CDON: variants seen among roughly 807,000 people sequenced by gnomAD.
The protein encoded by CDON is cell adhesion associated, oncogene regulated, also known as cell adhesion molecule-related/down-regulated by oncogenes.
CDON carries 73 observed loss-of-function variants against 120.9 expected under a neutral mutation model. The ratio of observed to expected loss-of-function variants is 0.60; its 90% CI spans 0.50 to 0.73. The LOEUF is 0.73. Among genes scored for constraint, CDON ranks in the 30% least tolerant of loss-of-function variants. The pLI, the probability that CDON is intolerant of heterozygous loss-of-function variation, is 0.00. For missense variants in CDON, 1,470 were observed against 1,587.3 expected (o/e 0.93, Z 1.26); for synonymous variants, 566 against 573.5 (o/e 0.99, Z 0.19).
At chr11:126,060,051 G>T (rs1044058990) in intron 1 of CDON, among the ~76,000 whole-genome samples, 9 of 151,834 alleles carry the variant, frequency 5.9e-5, no homozygotes, top group African/African-American at 9.7e-5. Context: ...ATCAAGTAAA[G>T]CCCTCCCCTG....
chr11:126,025,773 G>C (rs1214990337), intron 1 of CDON, among the ~76,000 whole-genome samples: 1 of 151,912 alleles, frequency 6.6e-6, no homozygotes, highest in Non-Finnish European at 1.5e-5. Flanking sequence ...CTAGGAGGTG[G>C]GAATTGAGCA....
chr11:125,999,307 T>C (rs1309026959), intron 11 of CDON, among the ~76,000 whole-genome samples: 1 of 152,076 alleles, frequency 6.6e-6, no homozygotes, highest in Non-Finnish European at 1.5e-5. Context: ...GCACGGAAAA[T>C]AATACCTTCC....
At chr11:125,992,162 A>G (rs1390969515) in intron 14 of CDON, among the ~76,000 whole-genome samples, 4 of 152,128 alleles carry the variant, frequency 2.6e-5, no homozygotes, top group African/African-American at 9.7e-5. Flanking sequence ...TTAAAATAAA[A>G]TTCTGACGTC....
intron 14 of CDON, among the ~76,000 whole-genome samples, chr11:125,991,127 T>G (rs1301788596): frequency 6.6e-6 from 1 of 152,226 alleles, no homozygotes; most frequent in Non-Finnish European, 1.5e-5. Flanking sequence ...AAAATGGCAT[T>G]AAACTAGGCT....
intron 1 of CDON, among the ~76,000 whole-genome samples, chr11:126,053,883 T>G (rs1009109525): frequency 6.6e-6 from 1 of 151,896 alleles, no homozygotes; most frequent in Non-Finnish European, 1.5e-5. Flanking sequence ...ATTCACTGTG[T>G]TGTTGTTTTG....
intron 1 of CDON, among the ~76,000 whole-genome samples, chr11:126,058,841 T>C (rs1257144223): frequency 6.6e-6 from 1 of 152,236 alleles, no homozygotes; most frequent in African/African-American, 2.4e-5. Context: ...GACACACTAA[T>C]GTTTCTCAAA....
chr11:125,983,398 G>C (rs1258517445), intron 16 of CDON, among the ~76,000 whole-genome samples: 2 of 152,170 alleles, frequency 1.3e-5, no homozygotes, highest in Non-Finnish European at 2.9e-5. Context: ...GAGTCCATCA[G>C]GTACAGAAAC....
intron 1 of CDON, among the ~76,000 whole-genome samples, chr11:126,051,133 T>C: frequency 6.6e-6 from 1 of 152,168 alleles, no homozygotes; most frequent in Non-Finnish European, 1.5e-5. Context: ...GCCTGTAGCA[T>C]TTGAGATGTG....
intron 18 of CDON, among the ~76,000 whole-genome samples, chr11:125,964,032 G>C (rs1945722717): frequency 6.6e-6 from 1 of 152,154 alleles, no homozygotes; most frequent in African/African-American, 2.4e-5. Context: ...TGCTGGCGAA[G>C]GTGAGCACTA....
rs1946950063 is a variant in CDON at position 126,001,737 on chromosome 11, A to C, written c.2140T>G (p.Ser714Ala). 1.2e-6 allele frequency: 2 copies of C among 1,613,628 alleles called. No homozygotes were observed. Among genetic ancestry groups the C allele is most frequent in the Non-Finnish European group, 1.7e-6 (2 of 1,179,552 alleles). Residue 714 changes from serine to alanine, a missense_variant, in exon 11 of 20, where the codon TCC (serine) becomes GCC (alanine). Transcript: ENST00000531738. ...NNNFGVVLTD[S>A]SRHSGVPEAP... ...TTTTTACCTCCACTGTGCCTAGAGG[A>C]ATCTGTAAGTACCACTCCAAAATTG...
intron 1 of CDON, among the ~76,000 whole-genome samples, chr11:126,047,279 A>T (rs184014045): frequency 1.3e-5 from 2 of 152,314 alleles, no homozygotes; most frequent in African/African-American, 4.8e-5. Context: ...TTAAAGCAAG[A>T]AAATCAAGAT....
chr11:126,003,968 A>G lies in CDON; in HGVS notation c.1960T>C (p.Leu654=). ...CCTGCTGCGCTTCTTGCTACCATCA[A>G]GACTTCATAAAGACTAGATGGCTCC... ...ELEPSSLYEV[L]MVARSAAGEG... Residue 654 remains leucine, a synonymous_variant, in exon 10 of 20, where the codon TTG becomes CTG. Transcript: ENST00000531738. 6.2e-7 allele frequency: 1 copy of G among 1,614,152 alleles called. No individual in the cohort carries two copies. Among genetic ancestry groups the G allele is most frequent in the African/African-American group, 1.3e-5 (1 of 75,030 alleles).
rs139323558 is a variant in CDON, at chr11:126,001,806, C to T, written c.2071G>A (p.Val691Met). 299 of 1,610,818 alleles carry T rather than the reference C, an allele frequency of 1.9e-4. No individual in the cohort carries two copies. Among genetic ancestry groups the T allele is most frequent in the Non-Finnish European group, 2.4e-4 (279 of 1,177,164 alleles). Residue 691 changes from valine (V) to methionine (M), a missense_variant, in exon 11 of 20, where the codon GTG (valine) becomes ATG (methionine). By Grantham distance (21) the Val-to-Met change is conservative (BLOSUM62 1). Transcript: ENST00000531738. The part of the protein sequence containing the change: ...SKNTQASSPP[V>M]GIPKYPVVSE... ...ACAACGGGATACTTAGGGATGCCCA[C>T]GGGTGGAGAGGATGCCTGGGTGTTT...
intron 14 of CDON, among the ~76,000 whole-genome samples, chr11:125,992,234 A>G (rs990093475): frequency 2.0e-5 from 3 of 152,178 alleles, no homozygotes; most frequent in African/African-American, 7.2e-5. Context: ...ATGGAGGACA[A>G]TCACTATTAG....
In CDON at chr11:125,959,192, A is replaced by C. The variant is rs1465852844; in HGVS notation, c.*1750T>G. ...TTTTCACTAACAGTTCTATTATAAA[A>C]TATATAGACATATGTAAGGGAATAC... On this transcript the variant is annotated 3_prime_UTR_variant, in exon 20 of 20. Coordinates refer to ENST00000531738, the MANE Select transcript of CDON (RefSeq NM_001378964.1). 1 of 152,208 alleles carries C rather than the reference A, an allele frequency of 6.6e-6. No individual in the cohort carries two copies. The highest frequency in any genetic ancestry group is 1.9e-4 in the East Asian group (1 of 5,198). The allele number at this position is 152,208 out of a possible 1,614,324, so 9.4% of individuals were successfully genotyped here.
rs150445003 is a variant in CDON at position 126,050,255 on chromosome 11, C to T, written c.-62+12324G>A. ...AAAAAAAAGCACCCTTAGAATTTAGCTATTTTAATCTATTCCTAAACACAT... is the reference window on the plus strand; with the variant it reads ...AAAAAAAAGCACCCTTAGAATTTAGTTATTTTAATCTATTCCTAAACACAT... On this transcript the variant is annotated intron_variant, in intron 1 of 19. Transcript: ENST00000531738. Among the ~76,000 whole-genome samples, 501 of 151,500 alleles carry T rather than the reference C, an allele frequency of 3.3e-3. 7 individuals carry two copies. Among genetic ancestry groups the T allele is most frequent in the African/African-American group, 0.011 (442 of 41,238 alleles).
chr11:126,032,001 T>A (rs1177207019), intron 1 of CDON, among the ~76,000 whole-genome samples: 2 of 152,240 alleles, frequency 1.3e-5, no homozygotes, highest in East Asian at 1.9e-4. Flanking sequence ...TCCATTGACA[T>A]GTTTTTCTAT....
intron 17 of CDON, among the ~76,000 whole-genome samples, chr11:125,980,599 C>T (rs556946435): frequency 1.3e-5 from 2 of 152,190 alleles, no homozygotes; most frequent in African/African-American, 4.8e-5. Context: ...AAGTGTCAAA[C>T]CGCGGCTGCT....
intron 1 of CDON, among the ~76,000 whole-genome samples, chr11:126,032,646 A>C (rs889319116): frequency 1.3e-5 from 2 of 152,226 alleles, no homozygotes; most frequent in African/African-American, 2.4e-5. Context: ...GGGGACCTGT[A>C]CTGGAGAAAT....
Sources: allele counts gnomAD v4.1 joint callset (sites outside exome capture counted in the v4.1 genomes callset), GRCh38; gene constraint gnomAD v4.1.1; transcripts MANE v1.5; gene names NCBI Gene and HGNC (gene_info 2026-07-23, HGNC 2026-07-21).